Variants in GPC6 observed in about 807,000 individuals in gnomAD.
The protein encoded by GPC6 is glypican 6.
A neutral mutation model predicts 55.2 loss-of-function variants in GPC6; 14 were observed. That is an observed-to-expected ratio of 0.25 (90% confidence interval 0.17 to 0.40). GPC6 has a LOEUF of 0.40. GPC6 is among the 10% of genes least tolerant of loss of function. The probability of loss-of-function intolerance (pLI) is 1.00; values close to 1 mark genes in which losing one functional copy is unlikely to be tolerated. For synonymous variants in GPC6, 278 were observed against 259.6 expected, an observed-to-expected ratio of 1.07 and a Z score of -0.68; for missense variants, 641 against 708.5, an observed-to-expected ratio of 0.90 and a Z score of 1.08.
At chr13:93,892,894 A>G (rs118110153) in intron 3 of GPC6, among the ~76,000 whole-genome samples, 1 of 152,182 alleles carries the variant, frequency 6.6e-6, no homozygotes, top group Non-Finnish European at 1.5e-5. Context: ...AACATGTGTG[A>G]ACATATTTAT....
intron 1 of GPC6, among the ~76,000 whole-genome samples, chr13:93,316,739 T>G (rs766252119): frequency 6.6e-6 from 1 of 152,124 alleles, no homozygotes; most frequent in African/African-American, 2.4e-5. Context: ...CAAAGTATTT[T>G]ACTTTGATAA....
chr13:93,510,950 AATATAT>A (rs148310932), intron 1 of GPC6, among the ~76,000 whole-genome samples: 5 of 28,474 alleles, frequency 1.8e-4, no homozygotes, highest in Non-Finnish European at 3.9e-4. Flanking sequence ...TCTTTTGAGA[AATATAT>A]ATATATATAT....
At chr13:93,908,620 GGGA>G (rs1876799493) in intron 3 of GPC6, among the ~76,000 whole-genome samples, 1 of 152,118 alleles carries the variant, frequency 6.6e-6, no homozygotes, top group African/African-American at 2.4e-5. Context: ...TGTTAGGTGG[GGGA>G]AGGAGTAACA....
At chr13:94,253,448 AAG>A (rs1181877225) in intron 4 of GPC6, among the ~76,000 whole-genome samples, 3 of 152,070 alleles carry the variant, frequency 2.0e-5, no homozygotes, top group Non-Finnish European at 1.5e-5. Context: ...TTTATTTAAT[AAG>A]AGAGGAGTTT....
chr13:94,332,419 G>C (rs1877472785), intron 6 of GPC6, among the ~76,000 whole-genome samples: 1 of 152,196 alleles, frequency 6.6e-6, no homozygotes, highest in East Asian at 1.9e-4. Context: ...TAGCAGTCTT[G>C]GGTCTGACGG....
intron 5 of GPC6, among the ~76,000 whole-genome samples, chr13:94,303,780 A>G (rs1875793184): frequency 6.6e-6 from 1 of 151,340 alleles, no homozygotes; most frequent in African/African-American, 2.4e-5. Context: ...AAAAAAAAAA[A>G]AAAAATTCCA....
intron 3 of GPC6, among the ~76,000 whole-genome samples, chr13:94,026,575 G>T (rs569852508): frequency 1.8e-4 from 27 of 152,122 alleles, no homozygotes; most frequent in Non-Finnish European, 2.6e-4. Flanking sequence ...TTTACATCTA[G>T]TCATGAATAA....
At chr13:93,607,718 C>T (rs1041314756) in intron 2 of GPC6, among the ~76,000 whole-genome samples, 2 of 152,112 alleles carry the variant, frequency 1.3e-5, no homozygotes, top group African/African-American at 4.8e-5. Context: ...TTTAGAATAG[C>T]GTTCAATTTT....
chr13:94,165,517 T>C (rs1429797071), intron 4 of GPC6, among the ~76,000 whole-genome samples: 1 of 151,888 alleles, frequency 6.6e-6, no homozygotes, highest in African/African-American at 2.4e-5. Context: ...GGGTGAGGGA[T>C]AAAAGACTAC....
At chr13:93,631,012 A>G (rs1344803527) in intron 2 of GPC6, among the ~76,000 whole-genome samples, 2 of 152,212 alleles carry the variant, frequency 1.3e-5, no homozygotes, top group East Asian at 3.9e-4. Context: ...TACTGCACAC[A>G]TACAGTAGTC....
In GPC6 at chr13:94,195,166, C is replaced by T. The variant is rs536500343; in HGVS notation, c.878-91183C>T. The stretch of plus-strand genomic sequence containing the variant: ...TGTCCCCATGTCCAGTTACAAGCAC[C>T]TGATCTGCAGATGTCAAAGAAGTTA... On this transcript the variant is annotated intron_variant, in intron 4 of 8. Transcript: ENST00000377047. Among the ~76,000 whole-genome samples, 74 of 152,288 alleles carry T rather than the reference C, an allele frequency of 4.9e-4. No homozygotes were observed. In the South Asian group the frequency reaches 0.013, roughly 26 times the overall value.
chr13:93,455,503 A>G (rs952526585), intron 1 of GPC6, among the ~76,000 whole-genome samples: 1 of 152,020 alleles, frequency 6.6e-6, no homozygotes, highest in Non-Finnish European at 1.5e-5. Flanking sequence ...AGAGAAAAGT[A>G]ATATATGGAA....
At chr13:94,092,940 A>AT (rs2138814487) in intron 4 of GPC6, among the ~76,000 whole-genome samples, 1 of 151,962 alleles carries the variant, frequency 6.6e-6, no homozygotes, top group East Asian at 1.9e-4. Context: ...AGAAATGTCC[A>AT]TTTTTTGCCC....
At chr13:93,929,432 CAGTTT>C (rs1878041593) in intron 3 of GPC6, among the ~76,000 whole-genome samples, 1 of 152,132 alleles carries the variant, frequency 6.6e-6, no homozygotes, top group Non-Finnish European at 1.5e-5. Flanking sequence ...CGTATATCAT[CAGTTT>C]AATCAGTTTA....
At chr13:94,226,976 G>T (rs751515815) in intron 4 of GPC6, among the ~76,000 whole-genome samples, 1 of 152,128 alleles carries the variant, frequency 6.6e-6, no homozygotes, top group Non-Finnish European at 1.5e-5. Flanking sequence ...ACAAGCCACT[G>T]ATTGTTCTAG....
chr13:93,788,658 C>G (rs931075030), intron 2 of GPC6, among the ~76,000 whole-genome samples: 1 of 151,902 alleles, frequency 6.6e-6, no homozygotes, highest in African/African-American at 2.4e-5. Context: ...GCAGTTACAA[C>G]GCCACATTGT....
chr13:93,323,180 T>C (rs1033809599), intron 1 of GPC6, among the ~76,000 whole-genome samples: 1 of 152,228 alleles, frequency 6.6e-6, no homozygotes, highest in East Asian at 1.9e-4. Context: ...CATTATGTAA[T>C]ATAAATTTCA....
chr13:93,410,527 C>T (rs1266327402), intron 1 of GPC6, among the ~76,000 whole-genome samples: 1 of 152,064 alleles, frequency 6.6e-6, no homozygotes, highest in Non-Finnish European at 1.5e-5. Context: ...AGAGTTTGTC[C>T]CTTTAATACC....
intron 2 of GPC6, among the ~76,000 whole-genome samples, chr13:93,609,825 A>G (rs1594308769): frequency 6.6e-6 from 1 of 152,000 alleles, no homozygotes; most frequent in Non-Finnish European, 1.5e-5. Context: ...TCCCTTGGCT[A>G]TTGGAACACC....
Sources: allele counts gnomAD v4.1 joint callset (sites outside exome capture counted in the v4.1 genomes callset), GRCh38; gene constraint gnomAD v4.1.1; transcripts MANE v1.5; gene names NCBI Gene and HGNC (gene_info 2026-07-23, HGNC 2026-07-21).